Variants in WDSUB1 observed in about 807,000 individuals in gnomAD.
WDSUB1 encodes WD repeat, sterile alpha motif and U-box domain containing 1.
A neutral mutation model predicts 53.9 loss-of-function variants in WDSUB1; 49 were observed. The ratio of observed to expected loss-of-function variants is 0.91; its 90% CI spans 0.72 to 1.15. The LOEUF is 1.15. Among genes scored for constraint, WDSUB1 ranks in the 50% most tolerant of loss-of-function variants. The pLI is 0.00. For synonymous variants in WDSUB1, 194 were observed against 200.6 expected, an observed-to-expected ratio of 0.97 and a Z score of 0.28; for missense variants, 514 against 562.0, an observed-to-expected ratio of 0.91 and a Z score of 0.86.
chr2:159,245,131 A>G (rs1192364642), intron 10 of WDSUB1, among the ~76,000 whole-genome samples: 1 of 152,232 alleles, frequency 6.6e-6, no homozygotes, highest in Non-Finnish European at 1.5e-5. Context: ...AAGGAAACTG[A>G]GAAAGTGTTT....
At chr2:159,259,721 A>G (rs2061148310) in intron 6 of WDSUB1, 89 bp downstream of exon 6, 14 of 1,331,642 alleles carry the variant, frequency 1.1e-5, no homozygotes, top group Non-Finnish European at 1.4e-5. Flanking sequence ...CAGAAAAAAT[A>G]TATACTTTTT....
At chr2:159,261,683 A>G (rs1463337649) in intron 5 of WDSUB1, among the ~76,000 whole-genome samples, 1 of 151,644 alleles carries the variant, frequency 6.6e-6, no homozygotes, top group African/African-American at 2.4e-5. Context: ...CCTCACAGGG[A>G]CATCAATTTG....
At chr2:159,244,985 A>G (rs961281728) in intron 10 of WDSUB1, among the ~76,000 whole-genome samples, 3 of 152,214 alleles carry the variant, frequency 2.0e-5, no homozygotes, top group African/African-American at 7.2e-5. Context: ...GATAATTTTG[A>G]CAAAATGTGC....
intron 9 of WDSUB1, among the ~76,000 whole-genome samples, chr2:159,249,554 G>A (rs2060898764): frequency 6.6e-6 from 1 of 152,176 alleles, no homozygotes; most frequent in Admixed American, 6.5e-5. Flanking sequence ...AGGACACCCT[G>A]TGTTTCAGAC....
At chr2:159,270,626 T>C (rs1352508841) in intron 5 of WDSUB1, among the ~76,000 whole-genome samples, 1 of 152,160 alleles carries the variant, frequency 6.6e-6, no homozygotes, top group African/African-American at 2.4e-5. Context: ...CAACTGGATA[T>C]TCACGTAGAA....
rs1240874019 is a variant in WDSUB1 at position 159,254,630 on chromosome 2, GCTTTT to G, written c.1132+1561_1132+1565del. ...AATTGTATTTCTATTGTTTCTATATGCTTTTCTTATGTTTTCAAACATCCTTTGTT... is the reference window on the plus strand; with the variant it reads ...AATTGTATTTCTATTGTTTCTATATGCTTATGTTTTCAAACATCCTTTGTT... On this transcript the variant is annotated intron_variant, in intron 9 of 10. Transcript: ENST00000359774. Among the ~76,000 whole-genome samples the G allele has an allele frequency of 7.9e-5, 12 of 152,164 alleles. No homozygotes were observed. The East Asian group carries it at 2.1e-3, about 27-fold the overall frequency.
Position 159,246,616 on chromosome 2 carries a change from G to A in WDSUB1, c.1273+1756C>T, listed in dbSNP as rs185083899. Among the ~76,000 whole-genome samples the A allele has an allele frequency of 4.6e-5, 7 of 152,142 alleles. No individual in the cohort carries two copies. In the East Asian group the frequency reaches 7.7e-4, roughly 17 times the overall value. Reference sequence around the variant, plus strand: ...TAGTCCCTTTAAACATTCGCTTATCGTACAACCCAGTAATTTCACTCCTAT... The same window carrying A: ...TAGTCCCTTTAAACATTCGCTTATCATACAACCCAGTAATTTCACTCCTAT... On this transcript the variant is annotated intron_variant, in intron 10 of 10. Transcript: ENST00000359774.
In WDSUB1 at chr2:159,271,002, C is replaced by T. The variant is rs1054046964; in HGVS notation, c.770+700G>A. On this transcript the variant is annotated intron_variant, in intron 5 of 10. Transcript: ENST00000359774. ...TTCCAACCACTTTGTTCTGGGGAAA[C>T]GCAAATTAAAACCATAGTAAGGCAA... is the stretch of plus-strand genomic sequence containing the variant. Among the ~76,000 whole-genome samples the T allele has an allele frequency of 9.9e-5, 15 of 152,172 alleles. No individual in the cohort carries two copies. In the East Asian group the frequency reaches 1.3e-3, roughly 14 times the overall value.
intron 9 of WDSUB1, among the ~76,000 whole-genome samples, chr2:159,253,062 T>C (rs59350961): frequency 0.023 from 3,568 of 152,334 alleles, 72 homozygotes; most frequent in East Asian, 0.049. Context: ...AGATATAAAC[T>C]GAGGCCAATG....
intron 9 of WDSUB1, among the ~76,000 whole-genome samples, chr2:159,250,110 AGG>A (rs2060918198): frequency 6.8e-6 from 1 of 147,948 alleles, no homozygotes; most frequent in Non-Finnish European, 1.5e-5. Flanking sequence ...AAAAAAAAGA[AGG>A]GAAGGGAAAA....
rs188515171 is a variant in WDSUB1 at position 159,264,251 on chromosome 2, C to T, written c.771-4408G>A. Among the ~76,000 whole-genome samples the T allele has an allele frequency of 8.7e-4, 132 of 152,348 alleles. 1 individual carries two copies. Among genetic ancestry groups the T allele is most frequent in the African/African-American group, 3.0e-3 (126 of 41,566 alleles). ...CATCTACTTTCAAGCAATCTAGCATCTGATAACCCTCCGTGATACACAGAT... is the reference window on the plus strand; with the variant it reads ...CATCTACTTTCAAGCAATCTAGCATTTGATAACCCTCCGTGATACACAGAT... On this transcript the variant is annotated intron_variant, in intron 5 of 10. Transcript: ENST00000359774.
At chr2:159,271,544 T>C (rs1344610961) in intron 5 of WDSUB1, among the ~76,000 whole-genome samples, 158 bp downstream of exon 5, 1 of 152,220 alleles carries the variant, frequency 6.6e-6, no homozygotes, top group African/African-American at 2.4e-5. Flanking sequence ...AAAGGGGCAC[T>C]TGCAAGGGGA....
In WDSUB1 at chr2:159,259,844, C is replaced by G. The variant is rs150374527; in HGVS notation, c.771-1G>C. ...TACTATGACAGACTTATCCACTGAC[C>G]TTAAAAGAAAATAAATTATAGGTGA... On this transcript the variant is annotated splice_acceptor_variant, in intron 5 of 10. Transcript: ENST00000359774. LOFTEE classifies it high-confidence loss of function. The G allele has an allele frequency of 2.6e-6, 4 of 1,518,030 alleles. No individual in the cohort carries two copies. The highest frequency in any genetic ancestry group is 1.4e-5 in the African/African-American group (1 of 71,896). The allele number at this position is 1,518,030 out of a possible 1,614,324, so 94.0% of individuals were successfully genotyped here.
intron 10 of WDSUB1, among the ~76,000 whole-genome samples, chr2:159,240,490 CCTA>C (rs1172327086): frequency 6.6e-6 from 1 of 152,164 alleles, no homozygotes; most frequent in Non-Finnish European, 1.5e-5. Flanking sequence ...CACGTATTTT[CCTA>C]CTTTTTGATT....
At chr2:159,267,425 C>T (rs2061367077) in intron 5 of WDSUB1, among the ~76,000 whole-genome samples, 1 of 152,024 alleles carries the variant, frequency 6.6e-6, no homozygotes. Flanking sequence ...CTCAGCCTCC[C>T]AAGTAGCTGA....
intron 5 of WDSUB1, among the ~76,000 whole-genome samples, chr2:159,270,866 TAAC>T (rs376806861): frequency 6.6e-5 from 10 of 151,774 alleles, no homozygotes; most frequent in African/African-American, 2.4e-4. Context: ...CATACATATA[TAAC>T]AACAAATCAG....
At chr2:159,236,974 T>TAAAG (rs1220310696) in intron 10 of WDSUB1, among the ~76,000 whole-genome samples, 1 of 152,202 alleles carries the variant, frequency 6.6e-6, no homozygotes, top group Non-Finnish European at 1.5e-5. Flanking sequence ...TTTATACATG[T>TAAAG]AAAGATTGGA....
At chr2:159,238,120 A>C (rs950145978) in intron 10 of WDSUB1, among the ~76,000 whole-genome samples, 1 of 152,086 alleles carries the variant, frequency 6.6e-6, no homozygotes, top group Non-Finnish European at 1.5e-5. Context: ...TTTTGTTCAT[A>C]TGTTTGAGCC....
chr2:159,285,462 T>C (rs2061771539), intron 1 of WDSUB1, among the ~76,000 whole-genome samples: 2 of 151,860 alleles, frequency 1.3e-5, no homozygotes, highest in African/African-American at 4.8e-5. Flanking sequence ...TCCCAGCATT[T>C]TGGGAGGCCG....
Sources: gnomAD v4.1 joint callset for allele counts (sites outside exome capture counted in the v4.1 genomes callset) on GRCh38, gnomAD v4.1.1 for gene constraint, MANE v1.5 for transcripts, NCBI Gene and HGNC (gene_info 2026-07-23, HGNC 2026-07-21) for gene names.